The following SYT1 variants were observed in gnomAD, a reference collection of about 807,000 sequenced individuals.
The protein encoded by SYT1 is synaptotagmin-1.
A neutral mutation model predicts 44.8 loss-of-function variants in SYT1; 8 were observed. The observed-to-expected ratio is 0.18, with a 90% CI of 0.10 to 0.32. The LOEUF is 0.32. SYT1 is among the 10% of genes least tolerant of loss of function. SYT1 has a pLI of 1.00. For missense variants in SYT1, 286 were observed against 509.3 expected (o/e 0.56, Z 4.22); for synonymous variants, 154 against 188.8 (o/e 0.82, Z 1.51).
intron 4 of SYT1, among the ~76,000 whole-genome samples, chr12:79,266,391 A>T (rs1407513438): frequency 6.8e-6 from 1 of 147,324 alleles, no homozygotes; most frequent in East Asian, 2.2e-4. Context: ...TTTTGGGAGC[A>T]ATGTCTTATT....
intron 9 of SYT1, chr12:79,392,607 A>G (rs1324411651): frequency 2.0e-5 from 3 of 152,154 alleles, no homozygotes; most frequent in Non-Finnish European, 2.9e-5. Context: ...AAGCTAATGC[A>G]AAACGAAAAA....
At chr12:79,218,649 A>G (rs1874962897) in intron 4 of SYT1, among the ~76,000 whole-genome samples, 1 of 152,134 alleles carries the variant, frequency 6.6e-6, no homozygotes, top group African/African-American at 2.4e-5. Flanking sequence ...TGCCTGGATT[A>G]TTTCACTTAA....
intron 3 of SYT1, among the ~76,000 whole-genome samples, chr12:79,178,808 G>A (rs950884690): frequency 2.7e-5 from 4 of 149,324 alleles, no homozygotes; most frequent in East Asian, 2.0e-4. Context: ...ATGGAATTTC[G>A]CTCTTATAGC....
chr12:79,427,557 G>A (rs1869523440), intron 9 of SYT1, among the ~76,000 whole-genome samples: 1 of 152,216 alleles, frequency 6.6e-6, no homozygotes, highest in Non-Finnish European at 1.5e-5. Flanking sequence ...GAGGGAAAAA[G>A]ACATTTATAA....
intron 1 of SYT1, among the ~76,000 whole-genome samples, chr12:78,968,095 A>G (rs1418078257): frequency 6.6e-6 from 1 of 152,188 alleles, no homozygotes; most frequent in Non-Finnish European, 1.5e-5. Flanking sequence ...AAAATTTACT[A>G]TGAAAATTTA....
At chr12:78,997,298 G>A (rs1010369598) in intron 2 of SYT1, among the ~76,000 whole-genome samples, 2 of 152,188 alleles carry the variant, frequency 1.3e-5, no homozygotes, top group Non-Finnish European at 2.9e-5. Context: ...GACCTAGATA[G>A]ATAACTCCAT....
intron 3 of SYT1, among the ~76,000 whole-genome samples, chr12:79,142,154 G>C (rs935888305): frequency 6.6e-6 from 1 of 152,164 alleles, no homozygotes; most frequent in Admixed American, 6.5e-5. Context: ...ATTGCTGAAT[G>C]ATTAACGCAC....
intron 9 of SYT1, among the ~76,000 whole-genome samples, chr12:79,385,078 C>T (rs1406244909): frequency 1.3e-5 from 2 of 149,734 alleles, no homozygotes; most frequent in Non-Finnish European, 3.0e-5. Flanking sequence ...CCTCCGCCTC[C>T]TAGATTCAAG....
At chr12:79,336,210 T>A (rs1245575021) in intron 8 of SYT1, among the ~76,000 whole-genome samples, 1 of 152,178 alleles carries the variant, frequency 6.6e-6, no homozygotes, top group African/African-American at 2.4e-5. Flanking sequence ...TCTTCCCAAT[T>A]GAACTGATAA....
At chr12:79,142,519 G>C (rs1033672788) in intron 3 of SYT1, among the ~76,000 whole-genome samples, 4 of 152,168 alleles carry the variant, frequency 2.6e-5, no homozygotes, top group African/African-American at 7.2e-5. Flanking sequence ...CCAATCATGA[G>C]AGCTTAGAAA....
At chr12:79,301,558 G>T (rs540355456) in intron 8 of SYT1, among the ~76,000 whole-genome samples, 8 of 152,068 alleles carry the variant, frequency 5.3e-5, no homozygotes, top group African/African-American at 1.9e-4. Context: ...AGAACATGAA[G>T]TACCCAGCAT....
intron 4 of SYT1, among the ~76,000 whole-genome samples, chr12:79,283,964 A>C (rs1879178320): frequency 6.6e-6 from 1 of 151,792 alleles, no homozygotes; most frequent in South Asian, 2.1e-4. Flanking sequence ...AAGAGAGTAG[A>C]TTTTCTCAAT....
chr12:78,925,405 T>G (rs532178411), intron 1 of SYT1, among the ~76,000 whole-genome samples: 16 of 151,986 alleles, frequency 1.1e-4, no homozygotes, highest in Non-Finnish European at 1.8e-4. Context: ...AAGGTTCATA[T>G]AGTTCAAAAG....
intron 3 of SYT1, among the ~76,000 whole-genome samples, chr12:79,062,351 T>G (rs544210561): frequency 6.6e-6 from 1 of 152,322 alleles, no homozygotes; most frequent in African/African-American, 2.4e-5. Flanking sequence ...CTTCATTGAC[T>G]TTTCAATGTT....
chr12:79,114,877 C>G (rs1030945716), intron 3 of SYT1, among the ~76,000 whole-genome samples: 2 of 151,894 alleles, frequency 1.3e-5, no homozygotes, highest in African/African-American at 4.8e-5. Context: ...CTCAAAAATA[C>G]CAAACTGGCA....
chr12:79,157,053 A>G (rs1431396113), intron 3 of SYT1, among the ~76,000 whole-genome samples: 2 of 152,078 alleles, frequency 1.3e-5, no homozygotes, highest in East Asian at 1.9e-4. Context: ...GGTGAGGTGC[A>G]GAGAAGAGGA....
At chr12:79,011,400 A>G (rs1871399510) in intron 2 of SYT1, among the ~76,000 whole-genome samples, 1 of 152,106 alleles carries the variant, frequency 6.6e-6, no homozygotes, top group Non-Finnish European at 1.5e-5. Context: ...GAAATATGCA[A>G]ATTTATAGTA....
chr12:79,336,458 C>T (rs993325264), intron 8 of SYT1, among the ~76,000 whole-genome samples: 5 of 152,220 alleles, frequency 3.3e-5, no homozygotes, highest in Admixed American at 2.6e-4. Context: ...ATATCTTTCT[C>T]TATTTTTCCT....
chr12:79,187,667 G>A (rs1872881272), intron 3 of SYT1, among the ~76,000 whole-genome samples: 1 of 152,062 alleles, frequency 6.6e-6, no homozygotes, highest in Admixed American at 6.6e-5. Context: ...ATTAGTAGGA[G>A]CCCTAGAAAT....
Sources: allele counts gnomAD v4.1 joint callset (sites outside exome capture counted in the v4.1 genomes callset), GRCh38; gene constraint gnomAD v4.1.1; transcripts MANE v1.5; gene names NCBI Gene and HGNC (gene_info 2026-07-23, HGNC 2026-07-21).